The following MARCHF10 variants were observed in gnomAD, a reference collection of about 807,000 sequenced individuals.
The protein encoded by MARCHF10 is membrane associated ring-CH-type finger 10, also known as probable E3 ubiquitin-protein ligase MARCHF10.
In MARCHF10, 64 loss-of-function variants were observed where a neutral mutation model predicts 76.2. That is an observed-to-expected ratio of 0.84 (90% CI 0.69 to 1.03). The LOEUF (loss-of-function observed/expected upper bound fraction) is 1.03, where lower values mean the gene tolerates loss of function less well. Ranked by LOEUF, MARCHF10 falls within the 50% of genes least tolerant of loss-of-function variation. The pLI, the probability that MARCHF10 is intolerant of heterozygous loss-of-function variation, is 0.00. For missense variants in MARCHF10, 875 were observed against 958.0 expected (o/e 0.91, Z 1.14); for synonymous variants, 340 against 357.5 (o/e 0.95, Z 0.55).
intron 3 of MARCHF10, among the ~76,000 whole-genome samples, chr17:62,782,913 G>A (rs1156863847): frequency 6.6e-6 from 1 of 152,078 alleles, no homozygotes; most frequent in Non-Finnish European, 1.5e-5. Flanking sequence ...TTGTGTCCAG[G>A]GGCAAATCCT....
intron 2 of MARCHF10, among the ~76,000 whole-genome samples, chr17:62,792,136 C>T (rs1165601964): frequency 6.6e-6 from 1 of 151,986 alleles, no homozygotes; most frequent in African/African-American, 2.4e-5. Context: ...CCCCCACCCC[C>T]CTAGTGCGTC....
intron 6 of MARCHF10, chr17:62,735,416 G>A (rs952051336): frequency 6.6e-6 from 1 of 152,590 alleles, no homozygotes; most frequent in African/African-American, 2.4e-5. Flanking sequence ...TAGAAGCAGT[G>A]GTTACCCCAG....
At chr17:62,799,871 G>T (rs147051027) in intron 2 of MARCHF10, among the ~76,000 whole-genome samples, 6 of 152,102 alleles carry the variant, frequency 3.9e-5, no homozygotes, top group African/African-American at 1.4e-4. Flanking sequence ...GGTTTCATCC[G>T]GGCTGGTTCC....
In MARCHF10 at chr17:62,711,657, G is replaced by A. The variant is rs1269253636; in HGVS notation, c.2215-313C>T. ...AAAGCCTTGAGCTGGATGTTGTGGG[G>A]AACACAGGGCAAAAAGCCTCAGAAC... On this transcript the variant is annotated intron_variant, in intron 8 of 10. Coordinates refer to ENST00000311269, the MANE Select transcript of MARCHF10 (RefSeq NM_152598.4). This position sits in a 1 kb window ranked among gnomAD's most constrained non-coding sequence, Gnocchi z 4.4. Among the ~76,000 whole-genome samples, 3 of 152,230 alleles carry A rather than the reference G, an allele frequency of 2.0e-5. No individual in the cohort carries two copies. Among genetic ancestry groups the A allele is most frequent in the Non-Finnish European group, 4.4e-5 (3 of 68,028 alleles).
rs1474069288 is a variant in MARCHF10 at position 62,744,450 on chromosome 17, C to T, written c.461G>A (p.Ser154Asn). 6.2e-7 allele frequency: 1 copy of T among 1,614,212 alleles called. No individual in the cohort carries two copies. Among genetic ancestry groups the T allele is most frequent in the African/African-American group, 1.3e-5 (1 of 75,060 alleles). Residue 154 changes from serine to asparagine, a missense_variant, in exon 5 of 11, where the codon AGC becomes AAC. Ser to Asn is a conservative substitution (Grantham distance 46). Transcript: ENST00000311269. ...RRFTVSPESH[S>N]PRASGDRSRQ... is the part of the protein sequence containing the mutation. ...GCTTCTGTCCCCAGATGCTCTCGGG[C>T]TGTGCGATTCTGGGCTGACTGTAAA...
intron 3 of MARCHF10, among the ~76,000 whole-genome samples, chr17:62,778,703 A>G (rs1476728979): frequency 7.0e-6 from 1 of 142,868 alleles, no homozygotes. Context: ...AAAAAAAAAA[A>G]TCCAGACAAG....
At position 62,788,477 on chromosome 17, in the gene MARCHF10, T is replaced by C; in HGVS notation, c.210+3A>G. The C allele has an allele frequency of 6.2e-7, 1 of 1,613,936 alleles. No individual in the cohort carries two copies. Among genetic ancestry groups the C allele is most frequent in the Non-Finnish European group, 8.5e-7 (1 of 1,179,926 alleles). On this transcript the variant is annotated splice_donor_region_variant and intron_variant, in intron 3 of 10. Coordinates refer to ENST00000311269, the MANE Select transcript of MARCHF10 (RefSeq NM_152598.4). ...GGAGACTGTCTCCCAGAATTCTTCATACCTGTTTGGAAGATGACCTGCTAG... is the reference window on the plus strand; with the variant it reads ...GGAGACTGTCTCCCAGAATTCTTCACACCTGTTTGGAAGATGACCTGCTAG...
rs1422201762 is a variant in MARCHF10 at position 62,736,706 on chromosome 17, T to C, written c.1162A>G (p.Lys388Glu). ...GCATTTTCACTGCCACCTCTGTCCT[T>C]CTCTGTAGCAGATTCCCTATCAGGC... ...GLPDRESATE[K>E]DRGGSENAKK... Residue 388 changes from lysine (K) to glutamate (E), a missense_variant, in exon 6 of 11, where the codon AAG becomes GAG. Coordinates refer to ENST00000311269, the MANE Select transcript of MARCHF10 (RefSeq NM_152598.4). 1.2e-6 allele frequency: 2 copies of C among 1,613,878 alleles called. No homozygotes were observed. The highest frequency in any genetic ancestry group is 1.7e-5 in the Admixed American group (1 of 59,996).
At chr17:62,710,936 C>G (rs553417030) in intron 9 of MARCHF10, among the ~76,000 whole-genome samples, 4 of 152,284 alleles carry the variant, frequency 2.6e-5, no homozygotes, top group Middle Eastern at 6.8e-3. Flanking sequence ...CATCCTTGCT[C>G]TCCTCTATTT....
At chr17:62,782,588 G>A (rs1003514096) in intron 3 of MARCHF10, among the ~76,000 whole-genome samples, 27 of 151,908 alleles carry the variant, frequency 1.8e-4, no homozygotes, top group Admixed American at 5.2e-4. Context: ...CCTTGTGATC[G>A]CCGGCCTTGG....
At chr17:62,713,336 C>T (rs895007400) in intron 8 of MARCHF10, among the ~76,000 whole-genome samples, 9 of 152,206 alleles carry the variant, frequency 5.9e-5, no homozygotes, top group African/African-American at 2.2e-4. Context: ...TCAGGTTTGT[C>T]AAAGCATTCA....
chr17:62,724,186 A>ATTTTT (rs11462196), intron 7 of MARCHF10, among the ~76,000 whole-genome samples: 1 of 138,294 alleles, frequency 7.2e-6, no homozygotes, highest in Non-Finnish European at 1.6e-5. Context: ...TGTTCCATGC[A>ATTTTT]TTTTTTTTTT....
At chr17:62,796,008 CTT>C (rs1022674506) in intron 2 of MARCHF10, among the ~76,000 whole-genome samples, 16 of 143,232 alleles carry the variant, frequency 1.1e-4, no homozygotes, top group Non-Finnish European at 1.2e-4. Flanking sequence ...GCAATTGATC[CTT>C]TTTTTTTTTT....
chr17:62,708,395 G>A (rs185664703), intron 9 of MARCHF10, among the ~76,000 whole-genome samples: 124 of 152,176 alleles, frequency 8.1e-4, no homozygotes, highest in Admixed American at 7.7e-3. Context: ...ACAGGTGCAC[G>A]CTGCCACGCC....
chr17:62,772,084 C>T (rs193237974), intron 3 of MARCHF10, among the ~76,000 whole-genome samples: 10 of 152,250 alleles, frequency 6.6e-5, no homozygotes, highest in Admixed American at 2.0e-4. Flanking sequence ...GAGAAAATGT[C>T]CCATTCTGAT....
chr17:62,776,237 C>T (rs2092552496), intron 3 of MARCHF10, among the ~76,000 whole-genome samples: 2 of 152,232 alleles, frequency 1.3e-5, no homozygotes, highest in South Asian at 2.1e-4. Flanking sequence ...TCTCCTCTCA[C>T]ACAATGTCTG....
chr17:62,794,984 T>C, intron 2 of MARCHF10: 1 of 984,562 alleles, frequency 1.0e-6, no homozygotes, highest in Non-Finnish European at 1.2e-6. Context: ...TAGTTTTTTT[T>C]CCTGTTTTGG....
At chr17:62,768,303 G>A (rs2092378923) in intron 3 of MARCHF10, among the ~76,000 whole-genome samples, 1 of 152,182 alleles carries the variant, frequency 6.6e-6, no homozygotes. Context: ...TGGATCAAGA[G>A]GTCAGAAGTT....
At chr17:62,718,794 C>T (rs551434213) in intron 8 of MARCHF10, among the ~76,000 whole-genome samples, 1 of 152,284 alleles carries the variant, frequency 6.6e-6, no homozygotes, top group South Asian at 2.1e-4. Context: ...CTTCAGGCCT[C>T]AAAACACTAT....
Sources: allele counts gnomAD v4.1 joint callset (sites outside exome capture counted in the v4.1 genomes callset), GRCh38; gene constraint gnomAD v4.1.1; non-coding constraint Gnocchi (gnomAD v3.1); transcripts MANE v1.5; gene names NCBI Gene and HGNC (gene_info 2026-07-23, HGNC 2026-07-21).